The following C12orf50 variants were observed in gnomAD, a reference collection of about 807,000 sequenced individuals.
C12orf50 encodes the protein zinc finger CCCH-type containing 11D.
In C12orf50, 35 loss-of-function variants were observed where a neutral mutation model predicts 61.6. The ratio of observed to expected loss-of-function variants is 0.57; its 90% CI spans 0.43 to 0.75. The LOEUF is 0.75. Ranked by LOEUF, C12orf50 falls within the 30% of genes least tolerant of loss-of-function variation. The probability of loss-of-function intolerance (pLI) is 0.00; values close to 1 mark genes in which losing one functional copy is unlikely to be tolerated. For synonymous variants in C12orf50, 178 were observed against 161.5 expected (o/e 1.10, Z -0.77); for missense variants, 475 against 488.5 (o/e 0.97, Z 0.26).
intron 7 of C12orf50, among the ~76,000 whole-genome samples, chr12:87,990,755 G>A (rs2031081498): frequency 6.6e-6 from 1 of 152,050 alleles, no homozygotes; most frequent in Admixed American, 6.6e-5. Flanking sequence ...AGAGCCGAAA[G>A]TCTGGGACTA....
intron 3 of C12orf50, among the ~76,000 whole-genome samples, chr12:88,022,096 C>A (rs762802739): frequency 1.3e-5 from 2 of 149,898 alleles, no homozygotes; most frequent in Non-Finnish European, 3.0e-5. Context: ...AAATCCTCAA[C>A]AAAATACTAG....
chr12:88,025,553 A>G (rs570882543), intron 3 of C12orf50, among the ~76,000 whole-genome samples: 12 of 152,290 alleles, frequency 7.9e-5, no homozygotes, highest in African/African-American at 2.9e-4. Context: ...ATTTAACCCA[A>G]CCAGCATGGT....
chr12:88,019,054 G>A (rs1411899292), intron 3 of C12orf50, among the ~76,000 whole-genome samples: 1 of 152,120 alleles, frequency 6.6e-6, no homozygotes, highest in Non-Finnish European at 1.5e-5. Context: ...TTTTAAATGT[G>A]AGGACATGAG....
At chr12:88,001,204 G>C (rs919080891) in intron 3 of C12orf50, among the ~76,000 whole-genome samples, 4 of 151,486 alleles carry the variant, frequency 2.6e-5, no homozygotes, top group Admixed American at 6.6e-5. Flanking sequence ...TTTTTATAAC[G>C]TATGTGTGTC....
rs1295522320 is a variant in C12orf50, at chr12:88,026,670, T to C, written c.13-62A>G. The C allele has an allele frequency of 1.9e-6, 3 of 1,580,458 alleles. No individual in the cohort carries two copies. In the African/African-American group the frequency reaches 4.0e-5, roughly 21 times the overall value. On this transcript the variant is annotated intron_variant, in intron 2 of 12. Transcript: ENST00000298699. ...GATGCCATATTTACAACAAATACAA[T>C]GTGCTACAATACAGCACAAGGACAC...
intron 3 of C12orf50, among the ~76,000 whole-genome samples, chr12:88,006,110 G>A (rs1031998400): frequency 3.9e-5 from 6 of 151,960 alleles, no homozygotes; most frequent in Admixed American, 6.6e-5. Flanking sequence ...TAGAGACAGG[G>A]TTTCACCGTG....
At position 87,986,037 on chromosome 12, in the gene C12orf50, T is replaced by A; in HGVS notation, c.939A>T (p.Arg313Ser). The A allele has an allele frequency of 6.2e-7, 1 of 1,613,692 alleles. No individual in the cohort carries two copies. Among genetic ancestry groups the A allele is most frequent in the Non-Finnish European group, 8.5e-7 (1 of 1,179,768 alleles). ...SGMQRAVQAPRPQNKMSYHRN... is the reference protein window; with the variant it reads ...SGMQRAVQAPSPQNKMSYHRN... ...GGTGATAACTCATTTTATTTTGGGG[T>A]CTTGGGGCCTGTACTGCTGTAAAGA... The change falls in exon 11 of 13, where the codon AGA becomes AGT. Residue 313 changes from arginine (R) to serine (S), a missense_variant. Coordinates refer to ENST00000298699, the MANE Select transcript of C12orf50 (RefSeq NM_152589.3).
At chr12:87,993,199 A>G (rs1417616584) in intron 7 of C12orf50, among the ~76,000 whole-genome samples, 3 of 152,194 alleles carry the variant, frequency 2.0e-5, no homozygotes, top group Non-Finnish European at 4.4e-5. Flanking sequence ...CTAACTCCCA[A>G]CAAAGTAGGT....
chr12:87,984,880 A>G (rs937344995), intron 11 of C12orf50: 2 of 152,188 alleles, frequency 1.3e-5, no homozygotes, highest in African/African-American at 4.8e-5. Context: ...GATAATAACA[A>G]TAACAATATC....
In C12orf50 at chr12:87,989,309, T is replaced by C; in HGVS notation, c.655A>G (p.Thr219Ala). Reference protein sequence around the residue: ...FLGVDESEALTEEKEITISKC... With the variant: ...FLGVDESEALAEEKEITISKC... ...GATATGGTGATTTCTTTCTCTTCAG[T>C]TAAAGCTTCACTTTCATCGACTCCA... Residue 219 changes from threonine (T) to alanine (A), a missense_variant, in exon 8 of 13, where the codon ACT (threonine) becomes GCT (alanine). By Grantham distance (58) the Thr-to-Ala change is moderately conservative. Transcript: ENST00000298699. 6.2e-7 allele frequency: 1 copy of C among 1,611,844 alleles called. No homozygotes were observed. The highest frequency in any genetic ancestry group is 8.5e-7 in the Non-Finnish European group (1 of 1,178,606).
At chr12:88,025,418 G>A (rs76666388) in intron 3 of C12orf50, among the ~76,000 whole-genome samples, 7,768 of 152,178 alleles carry the variant, frequency 0.051, 677 homozygotes, top group African/African-American at 0.18. Flanking sequence ...AGGTGGCAAT[G>A]GAGGTTTAAG....
intron 3 of C12orf50, 112 bp downstream of exon 3, chr12:88,026,376 A>C (rs1358965654): frequency 8.2e-7 from 1 of 1,224,168 alleles, no homozygotes; most frequent in Admixed American, 2.6e-5. Flanking sequence ...CCCATTGGCT[A>C]TTAAATTGCA....
chr12:88,025,422 G>T (rs893527315), intron 3 of C12orf50, among the ~76,000 whole-genome samples: 1 of 152,122 alleles, frequency 6.6e-6, no homozygotes, highest in African/African-American at 2.4e-5. Flanking sequence ...GGCAATGGAG[G>T]TTTAAGGAGA....
intron 3 of C12orf50, among the ~76,000 whole-genome samples, chr12:88,009,212 A>C (rs2032005617): frequency 6.6e-6 from 1 of 152,110 alleles, no homozygotes; most frequent in African/African-American, 2.4e-5. Context: ...TTTTAACTGG[A>C]CAAGATAATG....
At chr12:88,024,879 C>T (rs1168939516) in intron 3 of C12orf50, among the ~76,000 whole-genome samples, 4 of 152,058 alleles carry the variant, frequency 2.6e-5, no homozygotes, top group African/African-American at 4.8e-5. Context: ...AAATCCTGCT[C>T]GTGGTTCAAG....
chr12:87,980,708 G>A (rs1332159236), intron 12 of C12orf50, among the ~76,000 whole-genome samples: 1 of 152,122 alleles, frequency 6.6e-6, no homozygotes, highest in African/African-American at 2.4e-5. Context: ...TCAAGAGAAG[G>A]TCACCAATGA....
rs186996266 is a variant in C12orf50, at chr12:88,003,202, G to A, written c.134-5012C>T. Among the ~76,000 whole-genome samples, 3 of 151,848 alleles carry A rather than the reference G, an allele frequency of 2.0e-5. No homozygotes were observed. The East Asian group carries it at 5.8e-4, about 29-fold the overall frequency. On this transcript the variant is annotated intron_variant, in intron 3 of 12. Coordinates refer to ENST00000298699, the MANE Select transcript of C12orf50 (RefSeq NM_152589.3). ...CTATGGATTTGTGTTACTATCTGGT[G>A]TCATTTCTTTGTCATCATACAGTTT...
chr12:88,023,813 GT>G (rs2032607838), intron 3 of C12orf50, among the ~76,000 whole-genome samples: 2 of 152,046 alleles, frequency 1.3e-5, no homozygotes, highest in South Asian at 4.1e-4. Context: ...AAACTAAAGA[GT>G]TTCTGCACAG....
At chr12:88,014,339 T>C (rs2032227176) in intron 3 of C12orf50, among the ~76,000 whole-genome samples, 1 of 152,164 alleles carries the variant, frequency 6.6e-6, no homozygotes, top group African/African-American at 2.4e-5. Context: ...TCTCGCTCTG[T>C]TGCCCAGGCT....
Sources: gnomAD v4.1 joint callset for allele counts (sites outside exome capture counted in the v4.1 genomes callset) on GRCh38, gnomAD v4.1.1 for gene constraint, MANE v1.5 for transcripts, NCBI Gene and HGNC (gene_info 2026-07-23, HGNC 2026-07-21) for gene names.